Variants in LRRC7 observed in about 807,000 individuals in gnomAD.
LRRC7 encodes the protein leucine rich repeat containing 7, also known as leucine-rich repeat-containing protein 7.
LRRC7 carries 23 observed loss-of-function variants against 175.7 expected under a neutral mutation model. That is an observed-to-expected ratio of 0.13 (90% CI 0.09 to 0.19). LRRC7 has a LOEUF of 0.19. Ranked by LOEUF, LRRC7 falls within the 10% of genes least tolerant of loss-of-function variation. The pLI is 1.00. For missense variants in LRRC7, 1,354 were observed against 1,904.7 expected (o/e 0.71, Z 5.38); for synonymous variants, 685 against 680.9 (o/e 1.01, Z -0.09).
Position 70,135,279 on chromosome 1 carries a change from T to C in LRRC7, c.*13392T>C, listed in dbSNP as rs1006475933. 5.3e-5 allele frequency among the ~76,000 whole-genome samples: 8 copies of C among 152,210 alleles called. No individual in the cohort carries two copies. Among genetic ancestry groups the C allele is most frequent in the Admixed American group, 3.9e-4 (6 of 15,282 alleles). On this transcript the variant is annotated 3_prime_UTR_variant, in exon 27 of 27. Coordinates refer to ENST00000651989, the MANE Select transcript of LRRC7 (RefSeq NM_001370785.2). Reference sequence around the variant, plus strand: ...CTAGCATAGTTCCCCAGGAGCAGGCTATGATCATCTCCTCAAAGCACGGGG... The same window carrying C: ...CTAGCATAGTTCCCCAGGAGCAGGCCATGATCATCTCCTCAAAGCACGGGG...
intron 25 of LRRC7, among the ~76,000 whole-genome samples, chr1:70,101,318 T>G (rs1664791873): frequency 6.6e-6 from 1 of 152,188 alleles, no homozygotes; most frequent in South Asian, 2.1e-4. Flanking sequence ...TTACTTGAGA[T>G]ATAGTCTTTC....
chr1:69,718,334 G>T (rs1034184617), intron 2 of LRRC7, among the ~76,000 whole-genome samples: 12 of 151,584 alleles, frequency 7.9e-5, no homozygotes, highest in Non-Finnish European at 1.5e-4. Context: ...GATTTGAAAG[G>T]AATATCTTCT....
rs1445860871 is a variant in LRRC7 at position 70,130,086 on chromosome 1, G to A, written c.*8199G>A. On this transcript the variant is annotated 3_prime_UTR_variant, in exon 27 of 27. Coordinates refer to ENST00000651989, the MANE Select transcript of LRRC7 (RefSeq NM_001370785.2). Reference sequence around the variant, plus strand: ...CTAGTCTTCATGGAAAAAAATTTCTGTACTCAGCACTACCATATTAATTTT... The same window carrying A: ...CTAGTCTTCATGGAAAAAAATTTCTATACTCAGCACTACCATATTAATTTT... 1 of 152,052 alleles carries A rather than the reference G, an allele frequency of 6.6e-6. No homozygotes were observed. The highest frequency in any genetic ancestry group is 1.5e-5 in the Non-Finnish European group (1 of 67,996). The allele number at this position is 152,052 out of a possible 1,614,324, so 9.4% of individuals were successfully genotyped here.
At chr1:69,702,201 TCA>T (rs1663439858) in intron 2 of LRRC7, among the ~76,000 whole-genome samples, 1 of 152,200 alleles carries the variant, frequency 6.6e-6, no homozygotes, top group Non-Finnish European at 1.5e-5. Flanking sequence ...TCGTGGGTCA[TCA>T]CACACCGTAT....
intron 7 of LRRC7, among the ~76,000 whole-genome samples, chr1:69,929,423 T>C (rs950832191): frequency 3.5e-4 from 54 of 152,142 alleles, no homozygotes; most frequent in African/African-American, 1.2e-3. Flanking sequence ...CACTTGCAAC[T>C]CCATCCTTCT....
intron 23 of LRRC7, among the ~76,000 whole-genome samples, chr1:70,068,497 A>G (rs1017144171): frequency 2.6e-5 from 4 of 152,030 alleles, no homozygotes; most frequent in African/African-American, 9.7e-5. Flanking sequence ...CTAAATTTTC[A>G]TTGCCAATAT....
intron 4 of LRRC7, among the ~76,000 whole-genome samples, chr1:69,811,881 G>C (rs1014734674): frequency 6.6e-6 from 1 of 152,018 alleles, no homozygotes; most frequent in African/African-American, 2.4e-5. Flanking sequence ...TAACAAACCT[G>C]CACATTCTGT....
chr1:69,999,731 T>C (rs1655348281), intron 11 of LRRC7, among the ~76,000 whole-genome samples: 1 of 152,186 alleles, frequency 6.6e-6, no homozygotes, highest in Non-Finnish European at 1.5e-5. Context: ...GCGACCAGCA[T>C]GAGAGATGTG....
chr1:69,924,148 T>C lies in LRRC7; in HGVS notation c.648-7359T>C, dbSNP rs1570672747. Among the ~76,000 whole-genome samples the C allele has an allele frequency of 2.6e-5, 4 of 152,302 alleles. No individual in the cohort carries two copies. In the Middle Eastern group the frequency reaches 0.01, roughly 389 times the overall value. ...CGTTATTTCTGAGGGCTGTGTTCTG[T>C]TCCATTGATCTATATCTCTGTTTTG... On this transcript the variant is annotated intron_variant, in intron 7 of 26. Transcript: ENST00000651989.
chr1:70,030,454 T>C (rs1658595368), intron 18 of LRRC7, among the ~76,000 whole-genome samples: 1 of 152,208 alleles, frequency 6.6e-6, no homozygotes, highest in Admixed American at 6.5e-5. Flanking sequence ...GAGGAACTGT[T>C]GCTTTCTGTA....
At chr1:69,960,582 T>C (rs1178230816) in intron 8 of LRRC7, among the ~76,000 whole-genome samples, 5 of 151,800 alleles carry the variant, frequency 3.3e-5, no homozygotes, top group Admixed American at 1.3e-4. Context: ...GTTGTTAAAT[T>C]GAAATCTTTC....
chr1:69,592,533 C>T (rs1394571574), intron 1 of LRRC7, among the ~76,000 whole-genome samples: 1 of 152,034 alleles, frequency 6.6e-6, no homozygotes, highest in Non-Finnish European at 1.5e-5. Flanking sequence ...AATGTTCCAT[C>T]TAGCTGGCGA....
intron 1 of LRRC7, among the ~76,000 whole-genome samples, chr1:69,569,844 T>C (rs1645662974): frequency 6.9e-6 from 1 of 143,998 alleles, no homozygotes; most frequent in Non-Finnish European, 1.5e-5. Context: ...AGGAATCGGC[T>C]TCAGAAAGGA....
chr1:70,040,656 C>CA (rs896741175), intron 21 of LRRC7, among the ~76,000 whole-genome samples: 14 of 151,600 alleles, frequency 9.2e-5, no homozygotes, highest in East Asian at 3.9e-4. Flanking sequence ...ACTTAAAATA[C>CA]AAAAAAAATT....
intron 23 of LRRC7, among the ~76,000 whole-genome samples, chr1:70,074,203 CAA>C (rs571185317): frequency 2.1e-4 from 22 of 104,464 alleles, no homozygotes; most frequent in African/African-American, 2.5e-4. Context: ...ACTCCATTGC[CAA>C]AAAAAAAAAA....
At chr1:69,867,429 G>A (rs1383771588) in intron 7 of LRRC7, among the ~76,000 whole-genome samples, 1 of 152,164 alleles carries the variant, frequency 6.6e-6, no homozygotes, top group East Asian at 1.9e-4. Context: ...CCATACGAAA[G>A]GATTGGAACT....
chr1:69,978,042 A>AT (rs1553183755), intron 8 of LRRC7, among the ~76,000 whole-genome samples: 10 of 152,186 alleles, frequency 6.6e-5, no homozygotes, highest in African/African-American at 2.4e-4. Flanking sequence ...AAACAAAAAA[A>AT]CAAAAAAAGC....
At position 70,038,591 on chromosome 1, in the gene LRRC7, C is replaced by T; in HGVS notation, c.2767C>T (p.Pro923Ser). ...KEHIKESTEI[P>S]SPFSPGVPWE... is the part of the protein sequence containing the mutation. ...ACATATAAAGGAATCTACTGAAATA[C>T]CTAGTCCTTTTTCTCCAGGCGTACC... The change falls in exon 21 of 27, where the codon CCT becomes TCT. Residue 923 changes from proline to serine, a missense_variant. By Grantham distance (74) the Pro-to-Ser change is moderately conservative (BLOSUM62 -1). Around this residue, in one of 4 missense-constraint regions of LRRC7, gnomAD observed 1,032 missense variants for 1,227.2 expected, o/e 0.84. Transcript: ENST00000651989. 1.9e-6 allele frequency: 3 copies of T among 1,614,052 alleles called. No individual in the cohort carries two copies. The highest frequency in any genetic ancestry group is 2.5e-6 in the Non-Finnish European group (3 of 1,179,988).
chr1:69,740,500 G>A (rs1297451278), intron 2 of LRRC7, among the ~76,000 whole-genome samples: 2 of 152,068 alleles, frequency 1.3e-5, no homozygotes, highest in African/African-American at 4.8e-5. Context: ...AAATTGGGCA[G>A]CCCCCAGAAT....
Sources: allele counts gnomAD v4.1 joint callset (sites outside exome capture counted in the v4.1 genomes callset), GRCh38; gene constraint gnomAD v4.1.1; regional missense constraint gnomAD v4.1.1; transcripts MANE v1.5; gene names NCBI Gene and HGNC (gene_info 2026-07-23, HGNC 2026-07-21).